The following SLC26A8 variants were observed in gnomAD, a reference collection of about 807,000 sequenced individuals.
The protein encoded by SLC26A8 is solute carrier family 26 member 8.
SLC26A8 carries 70 observed loss-of-function variants against 105.0 expected under a neutral mutation model. The observed-to-expected ratio is 0.67, with a 90% CI of 0.55 to 0.81. SLC26A8 has a LOEUF of 0.81. Ranked by LOEUF, SLC26A8 falls within the 40% of genes least tolerant of loss-of-function variation. The pLI is 0.00. For synonymous variants in SLC26A8, 415 were observed against 438.3 expected, an observed-to-expected ratio of 0.95 and a Z score of 0.66; for missense variants, 998 against 1,181.8, an observed-to-expected ratio of 0.84 and a Z score of 2.28.
chr6:35,970,224 T>C (rs1772734314), intron 10 of SLC26A8, among the ~76,000 whole-genome samples: 1 of 152,296 alleles, frequency 6.6e-6, no homozygotes, highest in South Asian at 2.1e-4. Context: ...TTTTTCTCTG[T>C]ATTTTTTACG....
At chr6:36,003,111 T>C (rs1286531542) in intron 3 of SLC26A8, among the ~76,000 whole-genome samples, 1 of 152,216 alleles carries the variant, frequency 6.6e-6, no homozygotes, top group Non-Finnish European at 1.5e-5. Context: ...TTTTGGTGTC[T>C]TACTTAAGAA....
At position 35,959,717 on chromosome 6, in the gene SLC26A8, T is replaced by C. The variant is rs1200665806; in HGVS notation, c.1728A>G (p.Lys576=). Residue 576 remains lysine, a synonymous_variant, in exon 15 of 20, where the codon AAA becomes AAG. Coordinates refer to ENST00000490799, the MANE Select transcript of SLC26A8 (RefSeq NM_052961.4). ...AGGCGGGCAGGAGGGCAGATACCTC[T>C]TTTAACAGCTTATGCTTTAGGTAGT... ...NVYYLKHKLL[K]EVDMVKVPLK... 2 of 1,607,284 alleles carry C rather than the reference T, an allele frequency of 1.2e-6. No homozygotes were observed. Among genetic ancestry groups the C allele is most frequent in the East Asian group, 2.2e-5 (1 of 44,740 alleles).
At chr6:35,944,567 A>G (rs1320166979) in intron 19 of SLC26A8, among the ~76,000 whole-genome samples, 1 of 149,550 alleles carries the variant, frequency 6.7e-6, no homozygotes, top group Non-Finnish European at 1.5e-5. Flanking sequence ...TATTTTAAAA[A>G]CTAGTTGGGC....
chr6:35,952,030 G>A (rs1771896301), intron 17 of SLC26A8, among the ~76,000 whole-genome samples: 1 of 152,222 alleles, frequency 6.6e-6, no homozygotes, highest in Admixed American at 6.5e-5. Context: ...ATCAGACCGT[G>A]TCATGTGAGG....
intron 1 of SLC26A8, among the ~76,000 whole-genome samples, chr6:36,022,531 T>C (rs1379869217): frequency 1.3e-5 from 2 of 152,090 alleles, no homozygotes; most frequent in Non-Finnish European, 2.9e-5. Context: ...TCACAAAAAG[T>C]TGTTGGACAG....
chr6:36,000,118 A>G lies in SLC26A8; in HGVS notation c.329-10T>C. On this transcript the variant is annotated splice_polypyrimidine_tract_variant and intron_variant, in intron 3 of 19. Transcript: ENST00000490799. ...AAACTAAGTGTCAGGCCTGAAAAACAAGATAATTTAAGAAAAAGCAGCTTG... is the reference window on the plus strand; with the variant it reads ...AAACTAAGTGTCAGGCCTGAAAAACGAGATAATTTAAGAAAAAGCAGCTTG... 6.4e-7 allele frequency: 1 copy of G among 1,566,692 alleles called. No individual in the cohort carries two copies. Among genetic ancestry groups the G allele is most frequent in the East Asian group, 2.2e-5 (1 of 44,642 alleles).
intron 17 of SLC26A8, among the ~76,000 whole-genome samples, chr6:35,952,939 G>C (rs747062035): frequency 6.6e-6 from 1 of 150,968 alleles, no homozygotes; most frequent in South Asian, 2.1e-4. Context: ...ACTTGAACCC[G>C]GGAGGTGGAG....
At chr6:36,016,576 C>T (rs1044930969) in intron 2 of SLC26A8, among the ~76,000 whole-genome samples, 45 of 152,092 alleles carry the variant, frequency 3.0e-4, no homozygotes, top group Admixed American at 1.3e-3. Context: ...TTATTAGACC[C>T]ATGTTATTAA....
intron 17 of SLC26A8, among the ~76,000 whole-genome samples, chr6:35,954,083 A>G (rs1365118661): frequency 1.3e-5 from 2 of 152,202 alleles, no homozygotes; most frequent in East Asian, 3.8e-4. Context: ...AGTGCTGTAA[A>G]CTGGGATAAG....
intron 3 of SLC26A8, among the ~76,000 whole-genome samples, chr6:36,007,510 C>T (rs2127364770): frequency 6.6e-6 from 1 of 152,176 alleles, no homozygotes; most frequent in South Asian, 2.1e-4. Context: ...AATAAAGATG[C>T]CAATTCTTCC....
chr6:36,003,748 G>A lies in SLC26A8; in HGVS notation c.329-3640C>T, dbSNP rs1237658521. ...ACAATCTTGGCTCACTGCAAGCTCC[G>A]CCTCCCGGGTTCACGCCATTCTCCT... On this transcript the variant is annotated intron_variant, in intron 3 of 19. Coordinates refer to ENST00000490799, the MANE Select transcript of SLC26A8 (RefSeq NM_052961.4). Among the ~76,000 whole-genome samples the A allele has an allele frequency of 2.1e-4, 31 of 148,860 alleles. 1 individual carries two copies. Among genetic ancestry groups the A allele is most frequent in the Admixed American group, 1.8e-3 (26 of 14,846 alleles).
chr6:35,963,150 C>T (rs552302445), intron 11 of SLC26A8, among the ~76,000 whole-genome samples: 1 of 152,276 alleles, frequency 6.6e-6, no homozygotes, highest in African/African-American at 2.4e-5. Context: ...TGAAAATCAC[C>T]TCCTTACCAT....
chr6:35,983,442 A>T (rs1438519615), intron 7 of SLC26A8, among the ~76,000 whole-genome samples: 1 of 152,224 alleles, frequency 6.6e-6, no homozygotes, highest in Non-Finnish European at 1.5e-5. Flanking sequence ...AATTATGAAC[A>T]TATGTATAAT....
Position 35,951,160 on chromosome 6 carries a change from G to T in SLC26A8, c.2472+3C>A. The T allele has an allele frequency of 1.3e-6, 2 of 1,579,792 alleles. No homozygotes were observed. The highest frequency in any genetic ancestry group is 2.2e-5 in the South Asian group (2 of 90,540). On this transcript the variant is annotated splice_donor_region_variant and intron_variant, in intron 19 of 19. Transcript: ENST00000490799. ...AACCTCATGCTTTGTCGGTTTGTCT[G>T]ACCTTGTCTGTTTCTGAGTAGGTTT...
intron 2 of SLC26A8, among the ~76,000 whole-genome samples, chr6:36,012,791 C>A (rs922517794): frequency 6.6e-6 from 1 of 152,186 alleles, no homozygotes; most frequent in Non-Finnish European, 1.5e-5. Context: ...TTAAACCTAC[C>A]AATTTTCCAG....
intron 3 of SLC26A8, among the ~76,000 whole-genome samples, chr6:36,010,282 C>T (rs1362592839): frequency 1.3e-5 from 2 of 152,134 alleles, no homozygotes; most frequent in African/African-American, 2.4e-5. Context: ...ATACACACAA[C>T]AATTTGCGTG....
intron 5 of SLC26A8, among the ~76,000 whole-genome samples, chr6:35,995,869 A>T (rs767376419): frequency 6.6e-6 from 1 of 152,134 alleles, no homozygotes; most frequent in Non-Finnish European, 1.5e-5. Flanking sequence ...AGCATGCATG[A>T]GGCCCCTTGA....
chr6:35,952,887 G>A (rs952834208), intron 17 of SLC26A8, among the ~76,000 whole-genome samples: 1 of 151,868 alleles, frequency 6.6e-6, no homozygotes, highest in African/African-American at 2.4e-5. Flanking sequence ...GGTGGTGTGC[G>A]CCTGTAGTCC....
chr6:35,969,085 T>C, intron 10 of SLC26A8, 131 bp from the exon 11 acceptor site: 1 of 723,580 alleles, frequency 1.4e-6, no homozygotes, highest in Non-Finnish European at 2.4e-6. Flanking sequence ...CCAAGTGTAT[T>C]TTTGTTGAAC....
Sources: allele counts gnomAD v4.1 joint callset (sites outside exome capture counted in the v4.1 genomes callset), GRCh38; gene constraint gnomAD v4.1.1; transcripts MANE v1.5; gene names NCBI Gene and HGNC (gene_info 2026-07-23, HGNC 2026-07-21).